The following TACC1 variants were observed in gnomAD, a reference collection of about 807,000 sequenced individuals.
TACC1 encodes the protein transforming acidic coiled-coil-containing protein 1.
In TACC1, 48 loss-of-function variants were observed where a neutral mutation model predicts 84.4. The observed-to-expected ratio is 0.57, with a 90% confidence interval of 0.45 to 0.72. TACC1 has a LOEUF of 0.72. Ranked by LOEUF, TACC1 falls within the 30% of genes least tolerant of loss-of-function variation. TACC1 has a pLI of 0.00. For missense variants in TACC1, 920 were observed against 973.0 expected (o/e 0.95, Z 0.72); for synonymous variants, 372 against 376.3 (o/e 0.99, Z 0.13).
intron 3 of TACC1, among the ~76,000 whole-genome samples, chr8:38,765,023 G>A (rs189230943): frequency 2.0e-5 from 3 of 150,434 alleles, no homozygotes; most frequent in African/African-American, 7.3e-5. Flanking sequence ...CGCTTGAACC[G>A]GGGGGATGGA....
intron 1 of TACC1, among the ~76,000 whole-genome samples, chr8:38,731,737 AAACAAC>A (rs56770897): frequency 0.025 from 3,264 of 133,140 alleles, 95 homozygotes; most frequent in Admixed American, 0.081. Context: ...ATAAAACTGA[AAACAAC>A]AACAACAACA....
intron 3 of TACC1, among the ~76,000 whole-genome samples, chr8:38,769,794 G>A (rs1813183760): frequency 6.7e-6 from 1 of 149,732 alleles, no homozygotes; most frequent in South Asian, 2.1e-4. Flanking sequence ...GGGGTGTGGT[G>A]TGTATATGAC....
intron 2 of TACC1, among the ~76,000 whole-genome samples, chr8:38,804,071 T>C (rs1822071332): frequency 6.6e-6 from 1 of 152,242 alleles, no homozygotes. Context: ...TTTCTTATTT[T>C]TTAATGGCAT....
intron 2 of TACC1, chr8:38,799,682 A>G (rs1188617797): frequency 6.6e-6 from 1 of 152,248 alleles, no homozygotes; most frequent in African/African-American, 2.4e-5. Context: ...TTCATATACC[A>G]TACTTGGCTA....
At chr8:38,791,885 G>T (rs2152014221) in intron 2 of TACC1, among the ~76,000 whole-genome samples, 1 of 152,284 alleles carries the variant, frequency 6.6e-6, no homozygotes, top group South Asian at 2.1e-4. Flanking sequence ...GCTGACTTCT[G>T]TATAGTTCTT....
chr8:38,786,409 A>G (rs1817145022), upstream of TACC1, among the ~76,000 whole-genome samples: 1 of 152,100 alleles, frequency 6.6e-6, no homozygotes, highest in East Asian at 2.0e-4. Flanking sequence ...GAAAATCTCA[A>G]AAAGGAGAAT....
intron 6 of TACC1, 22 bp from the exon 7 acceptor site, chr8:38,836,140 A>G (rs747912728): frequency 6.2e-7 from 1 of 1,611,516 alleles, no homozygotes; most frequent in East Asian, 2.2e-5. Context: ...TGACAGATTC[A>G]GTGTAATCCC....
rs73676496 is a variant in TACC1, at chr8:38,737,141, C to T, written c.-674-5210C>T. Among the ~76,000 whole-genome samples the T allele has an allele frequency of 1.8e-3, 272 of 152,216 alleles. 4 individuals carry two copies. The highest frequency in any genetic ancestry group is 6.1e-3 in the African/African-American group (255 of 41,520). On this transcript the variant is annotated intron_variant, in intron 1 of 14. Coordinates refer to the TACC1 transcript ENST00000518415. ...CTGATGTGGGAATTTCCTTATCCGCCGCTGGTCAGTGACAAGGCCCGGACT... is the reference window on the plus strand; with the variant it reads ...CTGATGTGGGAATTTCCTTATCCGCTGCTGGTCAGTGACAAGGCCCGGACT...
At chr8:38,842,576 T>G in intron 10 of TACC1, 129 bp downstream of exon 10, 1 of 1,031,804 alleles carries the variant, frequency 9.7e-7, no homozygotes. Context: ...CCTACTGGCC[T>G]TGTATCCTCT....
chr8:38,778,851 CAAAG>C (rs977981114), intron 3 of TACC1, among the ~76,000 whole-genome samples: 3 of 152,118 alleles, frequency 2.0e-5, no homozygotes, highest in African/African-American at 7.2e-5. Flanking sequence ...AAGAGCATCC[CAAAG>C]AAAGAGATGT....
intron 3 of TACC1, among the ~76,000 whole-genome samples, chr8:38,750,875 A>G (rs943135803): frequency 1.3e-5 from 2 of 152,236 alleles, no homozygotes; most frequent in African/African-American, 4.8e-5. Context: ...ATTATTCAAT[A>G]AATTCAATGC....
At chr8:38,842,922 T>C (rs1831533037) in intron 10 of TACC1, among the ~76,000 whole-genome samples, 1 of 152,242 alleles carries the variant, frequency 6.6e-6, no homozygotes, top group Non-Finnish European at 1.5e-5. Context: ...AACTTTACCA[T>C]ATCAACCAGA....
chr8:38,739,817 A>G (rs535962129), intron 1 of TACC1, among the ~76,000 whole-genome samples: 1 of 152,324 alleles, frequency 6.6e-6, no homozygotes, highest in East Asian at 1.9e-4. Flanking sequence ...GAAGGACAGA[A>G]AGCAGGACTG....
At chr8:38,754,332 C>T (rs1809610219) in intron 3 of TACC1, among the ~76,000 whole-genome samples, 1 of 152,128 alleles carries the variant, frequency 6.6e-6, no homozygotes, top group Non-Finnish European at 1.5e-5. Context: ...TTCCCGGCAG[C>T]CCGTCCTGTC....
upstream of TACC1, among the ~76,000 whole-genome samples, chr8:38,786,336 C>T (rs1817131226): frequency 6.6e-6 from 1 of 152,202 alleles, no homozygotes; most frequent in African/African-American, 2.4e-5. Flanking sequence ...GTCGCCAGGC[C>T]TCTTGGCTTG....
intron 3 of TACC1, among the ~76,000 whole-genome samples, chr8:38,767,511 G>C (rs1310100581): frequency 6.6e-6 from 1 of 152,206 alleles, no homozygotes; most frequent in East Asian, 1.9e-4. Flanking sequence ...GGAATAGCTG[G>C]CAATAATGGG....
At chr8:38,843,538 T>C in intron 11 of TACC1, 143 bp downstream of exon 11, 4 of 510,254 alleles carry the variant, frequency 7.8e-6, no homozygotes, top group Non-Finnish European at 6.6e-6. Flanking sequence ...TTCCCATTGT[T>C]AAAACATTAA....
At chr8:38,804,624 A>G (rs1822221466) in intron 2 of TACC1, among the ~76,000 whole-genome samples, 1 of 151,746 alleles carries the variant, frequency 6.6e-6, no homozygotes, top group Non-Finnish European at 1.5e-5. Context: ...TATTTTTCAG[A>G]TGGGTTCTCA....
At chr8:38,823,655 T>G (rs987837406) in intron 3 of TACC1, among the ~76,000 whole-genome samples, 1 of 152,236 alleles carries the variant, frequency 6.6e-6, no homozygotes, top group African/African-American at 2.4e-5. Flanking sequence ...TAGGGCTTTT[T>G]TTAAGGCCTT....
Sources: gnomAD v4.1 joint callset for allele counts (sites outside exome capture counted in the v4.1 genomes callset) on GRCh38, gnomAD v4.1.1 for gene constraint, MANE v1.5 for transcripts, NCBI Gene and HGNC (gene_info 2026-07-23, HGNC 2026-07-21) for gene names.